CDH12: variants seen among roughly 807,000 people sequenced by gnomAD.
CDH12 encodes the protein cadherin-12.
CDH12 carries 41 observed loss-of-function variants against 74.1 expected under a neutral mutation model. The observed-to-expected ratio is 0.55, with a 90% confidence interval of 0.43 to 0.72. CDH12 has a LOEUF of 0.72. Among genes scored for constraint, CDH12 ranks in the 30% least tolerant of loss-of-function variants. The pLI is 0.00. For missense variants in CDH12, 945 were observed against 977.2 expected, an observed-to-expected ratio of 0.97 and a Z score of 0.44; for synonymous variants, 399 against 355.0, an observed-to-expected ratio of 1.12 and a Z score of -1.39.
intron 1 of CDH12, among the ~76,000 whole-genome samples, chr5:22,703,646 T>A (rs965500842): frequency 2.0e-5 from 3 of 152,184 alleles, no homozygotes; most frequent in Non-Finnish European, 4.4e-5. Context: ...ATTCTCTGCA[T>A]TCTTTGAACC....
At chr5:22,523,339 C>A (rs1252119786) in intron 1 of CDH12, among the ~76,000 whole-genome samples, 1 of 152,142 alleles carries the variant, frequency 6.6e-6, no homozygotes, top group East Asian at 1.9e-4. Context: ...AGTTTCTTTT[C>A]TTTCCATTTT....
chr5:22,012,086 C>T (rs1384585508), intron 5 of CDH12, among the ~76,000 whole-genome samples: 2 of 151,880 alleles, frequency 1.3e-5, no homozygotes, highest in African/African-American at 4.8e-5. Context: ...AAAATATACA[C>T]TATATTTCTG....
chr5:22,594,229 T>C (rs1028383724), intron 1 of CDH12, among the ~76,000 whole-genome samples: 12 of 152,208 alleles, frequency 7.9e-5, no homozygotes, highest in African/African-American at 2.9e-4. Flanking sequence ...CCCCGCTTCC[T>C]AGCTTTCAAC....
intron 1 of CDH12, among the ~76,000 whole-genome samples, chr5:22,705,029 C>T (rs1056655233): frequency 8.6e-5 from 13 of 150,890 alleles, no homozygotes; most frequent in African/African-American, 2.9e-4. Context: ...TATATATATG[C>T]ATATATATAC....
intron 1 of CDH12, among the ~76,000 whole-genome samples, chr5:22,536,037 G>A (rs1296166093): frequency 6.6e-6 from 1 of 152,198 alleles, no homozygotes; most frequent in Non-Finnish European, 1.5e-5. Flanking sequence ...ATGGGAGGAT[G>A]TGTAGGTTAT....
intron 9 of CDH12, among the ~76,000 whole-genome samples, chr5:21,810,432 G>A (rs1489446507): frequency 1.3e-5 from 2 of 152,090 alleles, no homozygotes; most frequent in African/African-American, 4.8e-5. Flanking sequence ...TATTTGGCAA[G>A]GGGATGTCAA....
chr5:22,718,934 C>T (rs111864541), intron 1 of CDH12, among the ~76,000 whole-genome samples: 12 of 152,260 alleles, frequency 7.9e-5, no homozygotes, highest in South Asian at 2.1e-4. Context: ...CTCTTTCCTT[C>T]GCTGATTTTG....
At chr5:22,632,844 T>A (rs1738656165) in intron 1 of CDH12, among the ~76,000 whole-genome samples, 1 of 146,220 alleles carries the variant, frequency 6.8e-6, no homozygotes, top group Non-Finnish European at 1.5e-5. Flanking sequence ...TAGGATAAAC[T>A]CAAAGAGATC....
intron 1 of CDH12, among the ~76,000 whole-genome samples, chr5:22,775,943 C>G (rs1021280759): frequency 6.6e-6 from 1 of 152,000 alleles, no homozygotes; most frequent in African/African-American, 2.4e-5. Context: ...ATGGGTTTAT[C>G]AGGGGTTTCC....
chr5:22,617,919 T>C (rs769583615), intron 1 of CDH12, among the ~76,000 whole-genome samples: 5 of 152,104 alleles, frequency 3.3e-5, no homozygotes, highest in Admixed American at 2.0e-4. Context: ...AACTTAGAGG[T>C]AATAACAATA....
At chr5:22,443,459 T>C (rs1457294352) in intron 2 of CDH12, among the ~76,000 whole-genome samples, 1 of 152,160 alleles carries the variant, frequency 6.6e-6, no homozygotes, top group East Asian at 1.9e-4. Flanking sequence ...AGGTAGGTCT[T>C]AGGTAACAGC....
In CDH12 at chr5:22,116,869, T is replaced by C. The variant is rs1031971311; in HGVS notation, c.-186-38007A>G. 6.3e-3 allele frequency among the ~76,000 whole-genome samples: 826 copies of C among 130,474 alleles called. 6 individuals carry two copies. Among genetic ancestry groups the C allele is most frequent in the African/African-American group, 0.028 (701 of 25,366 alleles). The allele number at this position is 130,474 out of a possible 152,430, so 85.6% of individuals were successfully genotyped here. A position where few individuals can be genotyped will look rare whatever the true frequency, so the allele number is the denominator to read the frequency against. ...GCTGGAGCATCTGCAAGTCTCTTTT[T>C]TTTTTTTTTTTTTTTTTTAATGCCA... On this transcript the variant is annotated intron_variant, in intron 4 of 14. Transcript: ENST00000382254.
intron 11 of CDH12, among the ~76,000 whole-genome samples, chr5:21,766,928 TAA>T (rs1181741195): frequency 2.6e-5 from 4 of 151,886 alleles, no homozygotes; most frequent in Admixed American, 2.6e-4. Context: ...TCAAATGTCA[TAA>T]GTCAAAAGTG....
chr5:21,899,253 C>CA (rs2150052257), intron 6 of CDH12, among the ~76,000 whole-genome samples: 1 of 152,312 alleles, frequency 6.6e-6, no homozygotes, highest in South Asian at 2.1e-4. Context: ...CCTTGCATTA[C>CA]AAATCTTTAT....
intron 2 of CDH12, among the ~76,000 whole-genome samples, chr5:22,462,258 G>A (rs773059616): frequency 1.3e-5 from 2 of 152,156 alleles, no homozygotes; most frequent in Non-Finnish European, 2.9e-5. Flanking sequence ...GAAACAAGGA[G>A]GGAATTAAAG....
At chr5:21,992,703 G>C (rs538290561) in intron 5 of CDH12, among the ~76,000 whole-genome samples, 1 of 151,910 alleles carries the variant, frequency 6.6e-6, no homozygotes, top group Non-Finnish European at 1.5e-5. Flanking sequence ...TCCATGTATC[G>C]TTGGTTGCTT....
At chr5:22,277,590 T>A (rs1736688972) in intron 3 of CDH12, among the ~76,000 whole-genome samples, 1 of 151,386 alleles carries the variant, frequency 6.6e-6, no homozygotes, top group African/African-American at 2.4e-5. Context: ...CCCAACATTT[T>A]GGGAGGCCAA....
chr5:22,760,174 T>G (rs959347724), intron 1 of CDH12, among the ~76,000 whole-genome samples: 1 of 152,208 alleles, frequency 6.6e-6, no homozygotes, highest in Non-Finnish European at 1.5e-5. Context: ...CAACAATTTT[T>G]CTGGTGGCCT....
At chr5:22,718,346 T>C (rs1174405356) in intron 1 of CDH12, among the ~76,000 whole-genome samples, 1 of 152,306 alleles carries the variant, frequency 6.6e-6, no homozygotes, top group Admixed American at 6.5e-5. Flanking sequence ...GAATGGTACA[T>C]GCTTTACATA....
Sources: allele counts gnomAD v4.1 joint callset (sites outside exome capture counted in the v4.1 genomes callset), GRCh38; gene constraint gnomAD v4.1.1; transcripts MANE v1.5; gene names NCBI Gene and HGNC (gene_info 2026-07-23, HGNC 2026-07-21).